The following PALS2 variants were observed in gnomAD, a reference collection of about 807,000 sequenced individuals.
The protein encoded by PALS2 is protein PALS2.
In PALS2, 27 loss-of-function variants were observed where a neutral mutation model predicts 61.6. The observed-to-expected ratio is 0.44, with a 90% CI of 0.32 to 0.60. PALS2 has a LOEUF of 0.60. PALS2 is among the 20% of genes least tolerant of loss of function. The pLI, the probability that PALS2 is intolerant of heterozygous loss-of-function variation, is 0.05. For missense variants in PALS2, 554 were observed against 639.4 expected (o/e 0.87, Z 1.44); for synonymous variants, 236 against 218.6 (o/e 1.08, Z -0.70).
chr7:24,582,909 T>TG (rs376454932), intron 1 of PALS2, among the ~76,000 whole-genome samples: 14 of 145,352 alleles, frequency 9.6e-5, no homozygotes, highest in Non-Finnish European at 3.0e-5. Flanking sequence ...TTTTTTTTTT[T>TG]GAGACAGAGT....
intron 1 of PALS2, among the ~76,000 whole-genome samples, chr7:24,614,288 A>G (rs116471633): frequency 0.063 from 9,582 of 151,744 alleles, 349 homozygotes; most frequent in African/African-American, 0.093. Flanking sequence ...TAAATATAAT[A>G]GCTTTCTTGA....
chr7:24,591,544 G>T (rs1373876891), intron 1 of PALS2, among the ~76,000 whole-genome samples: 2 of 152,110 alleles, frequency 1.3e-5, no homozygotes, highest in African/African-American at 2.4e-5. Flanking sequence ...TAAATAAAAT[G>T]CCATATCCTC....
At chr7:24,620,298 G>A (rs1213747532) in intron 1 of PALS2, 1 of 152,064 alleles carries the variant, frequency 6.6e-6, no homozygotes, top group Non-Finnish European at 1.5e-5. Context: ...TTGTCACATG[G>A]TTTTTCTTTA....
chr7:24,631,236 T>C (rs914399484), intron 2 of PALS2, among the ~76,000 whole-genome samples: 15 of 152,188 alleles, frequency 9.9e-5, no homozygotes, highest in African/African-American at 3.4e-4. Context: ...CCAGCTCTCA[T>C]GGATGACTTT....
In PALS2 at chr7:24,595,565, A is replaced by AT. The variant is rs1307142107; in HGVS notation, c.-3+21973dup. Among the ~76,000 whole-genome samples the AT allele has an allele frequency of 6.4e-5, 8 of 125,792 alleles. No homozygotes were observed. The South Asian group carries it at 8.4e-4, about 13-fold the overall frequency. 82.5% of individuals were successfully genotyped at this position (125,792 alleles called of 152,430 possible). On this transcript the variant is annotated intron_variant, in intron 1 of 11. Coordinates refer to ENST00000222644, the MANE Select transcript of PALS2 (RefSeq NM_001303037.2). ...ATATATAAATATATATTAACTATATATAAATATATATAAATATATATAAAT... is the reference window on the plus strand; with the variant it reads ...ATATATAAATATATATTAACTATATATTAAATATATATAAATATATATAAAT...
At chr7:24,678,129 C>T (rs535824013) in intron 9 of PALS2, among the ~76,000 whole-genome samples, 1 of 152,156 alleles carries the variant, frequency 6.6e-6, no homozygotes, top group African/African-American at 2.4e-5. Context: ...TGAAATAACA[C>T]GCTCAAAAAT....
At chr7:24,640,852 CA>C (rs551952740) in intron 2 of PALS2, among the ~76,000 whole-genome samples, 2 of 151,528 alleles carry the variant, frequency 1.3e-5, no homozygotes, top group South Asian at 2.1e-4. Flanking sequence ...ACTAAAAATA[CA>C]AAAAATTAGC....
At chr7:24,586,271 TGG>T (rs1295858616) in intron 1 of PALS2, among the ~76,000 whole-genome samples, 2 of 152,208 alleles carry the variant, frequency 1.3e-5, no homozygotes, top group Non-Finnish European at 2.9e-5. Context: ...TTATCATGTG[TGG>T]CAGACTGTAA....
chr7:24,651,787 G>A (rs975318022), intron 5 of PALS2, among the ~76,000 whole-genome samples: 1 of 152,140 alleles, frequency 6.6e-6, no homozygotes, highest in Non-Finnish European at 1.5e-5. Context: ...TACTGCCAGT[G>A]TATCTTATTT....
intron 9 of PALS2, among the ~76,000 whole-genome samples, chr7:24,672,411 A>C (rs539914549): frequency 7.2e-4 from 110 of 151,736 alleles, no homozygotes; most frequent in South Asian, 2.5e-3. Flanking sequence ...TTGTATTTTT[A>C]GTAGAGACTT....
In PALS2 at chr7:24,689,764, C is replaced by T. The variant is rs1220232569; in HGVS notation, c.*2150C>T. On this transcript the variant is annotated 3_prime_UTR_variant, in exon 12 of 12. Transcript: ENST00000222644. The stretch of plus-strand genomic sequence containing the variant: ...CTTCTCAAAGCAACATGAATTAAAG[C>T]ACAGTATCAAGGTGATGCCCTATGA... 6.6e-6 allele frequency: 1 copy of T among 151,890 alleles called. No individual in the cohort carries two copies. Among genetic ancestry groups the T allele is most frequent in the African/African-American group, 2.4e-5 (1 of 41,236 alleles). 9.4% of individuals were successfully genotyped at this position (151,890 alleles called of 1,614,324 possible).
In PALS2 at chr7:24,687,370, C is replaced by T. The variant is rs1788260637; in HGVS notation, c.1447-68C>T. ...TCTAACCTATTTATTATATTCACTTCTAGTTGGAGTTTGAGCAAGTAAATA... is the reference window on the plus strand; with the variant it reads ...TCTAACCTATTTATTATATTCACTTTTAGTTGGAGTTTGAGCAAGTAAATA... On this transcript the variant is annotated intron_variant, in intron 11 of 11. Transcript: ENST00000222644. This position sits in a 1 kb window ranked among gnomAD's most constrained non-coding sequence, Gnocchi z 4.5. The T allele has an allele frequency of 6.0e-6, 7 of 1,175,778 alleles. No homozygotes were observed. In the South Asian group the frequency reaches 6.7e-5, roughly 11 times the overall value. 72.8% of individuals were successfully genotyped at this position (1,175,778 alleles called of 1,614,324 possible). A position where few individuals can be genotyped will look rare whatever the true frequency, so the allele number is the denominator to read the frequency against.
intron 5 of PALS2, among the ~76,000 whole-genome samples, chr7:24,657,747 G>T (rs1275498531): frequency 6.6e-6 from 1 of 151,990 alleles, no homozygotes; most frequent in Non-Finnish European, 1.5e-5. Flanking sequence ...TCATCCTTTT[G>T]TGGCTTTAAG....
intron 9 of PALS2, among the ~76,000 whole-genome samples, chr7:24,669,804 C>G (rs1189706865): frequency 1.3e-5 from 2 of 152,174 alleles, no homozygotes; most frequent in Non-Finnish European, 2.9e-5. Context: ...CTACTGCAGG[C>G]ATTGTAAATC....
intron 1 of PALS2, among the ~76,000 whole-genome samples, chr7:24,582,017 A>G (rs531350833): frequency 6.6e-6 from 1 of 152,330 alleles, no homozygotes; most frequent in African/African-American, 2.4e-5. Flanking sequence ...ATATAAGCCA[A>G]TGCATTATCA....
chr7:24,649,779 A>C lies in PALS2; in HGVS notation c.423+15A>C. 1 of 1,564,028 alleles carries C rather than the reference A, an allele frequency of 6.4e-7. No homozygotes were observed. Among genetic ancestry groups the C allele is most frequent in the Non-Finnish European group, 8.6e-7 (1 of 1,156,562 alleles). ...GGGAACCACTGGTGAGTACAGATAAATCAGTACCCTATTAAATCTGAAATA... is the reference window on the plus strand; with the variant it reads ...GGGAACCACTGGTGAGTACAGATAACTCAGTACCCTATTAAATCTGAAATA... On this transcript the variant is annotated intron_variant, in intron 4 of 11. Transcript: ENST00000222644.
At chr7:24,638,895 A>G (rs1424178695) in intron 2 of PALS2, among the ~76,000 whole-genome samples, 4 of 152,160 alleles carry the variant, frequency 2.6e-5, no homozygotes, top group Non-Finnish European at 4.4e-5. Flanking sequence ...TACTTCTCCT[A>G]AAGTCCTGAA....
rs1051473312 is a variant in PALS2, at chr7:24,618,418, A to G, written c.-2-5248A>G. On this transcript the variant is annotated intron_variant, in intron 1 of 11. Coordinates refer to ENST00000222644, the MANE Select transcript of PALS2 (RefSeq NM_001303037.2). This position sits in a 1 kb window ranked among gnomAD's most constrained non-coding sequence, Gnocchi z 5.1. ...ACTTAGTGGAATGAAAACAACTCCT[A>G]GGCTGGAAAAGTGCAGGGTGTACTT... Among the ~76,000 whole-genome samples, 1 of 152,216 alleles carries G rather than the reference A, an allele frequency of 6.6e-6. No individual in the cohort carries two copies. Among genetic ancestry groups the G allele is most frequent in the Non-Finnish European group, 1.5e-5 (1 of 68,034 alleles).
In PALS2 at chr7:24,649,602, C is replaced by T; in HGVS notation, c.271-10C>T. 6.5e-7 allele frequency: 1 copy of T among 1,541,818 alleles called. No homozygotes were observed. The highest frequency in any genetic ancestry group is 8.7e-7 in the Non-Finnish European group (1 of 1,147,824). ...CATAAATAACCACAGGCTATTTTGA[C>T]TCCTTATAGTCACTGTTGGAGGCCC... On this transcript the variant is annotated splice_polypyrimidine_tract_variant and intron_variant, in intron 3 of 11. Coordinates refer to ENST00000222644, the MANE Select transcript of PALS2 (RefSeq NM_001303037.2).
Sources: gnomAD v4.1 joint callset for allele counts (sites outside exome capture counted in the v4.1 genomes callset) on GRCh38, gnomAD v4.1.1 for gene constraint, Gnocchi (gnomAD v3.1) non-coding constraint, MANE v1.5 for transcripts, NCBI Gene and HGNC (gene_info 2026-07-23, HGNC 2026-07-21) for gene names.